Variants in XKR6 observed in about 807,000 individuals in gnomAD.
XKR6 encodes XK related 6, also known as XK-related protein 6.
In XKR6, 22 loss-of-function variants were observed where a neutral mutation model predicts 56.7. That is an observed-to-expected ratio of 0.39 (90% CI 0.28 to 0.55). The LOEUF is 0.55. Among genes scored for constraint, XKR6 ranks in the 20% least tolerant of loss-of-function variants. XKR6 has a pLI of 0.66. For synonymous variants in XKR6, 524 were observed against 387.8 expected, an observed-to-expected ratio of 1.35 and a Z score of -4.13; for missense variants, 852 against 889.0, an observed-to-expected ratio of 0.96 and a Z score of 0.53.
At chr8:11,058,645 G>A (rs1047313768) in intron 1 of XKR6, among the ~76,000 whole-genome samples, 3 of 152,286 alleles carry the variant, frequency 2.0e-5, no homozygotes, top group Non-Finnish European at 2.9e-5. Flanking sequence ...AATGAGAACA[G>A]ATGGACACCG....
At chr8:11,015,877 G>A (rs1299610016) in intron 1 of XKR6, among the ~76,000 whole-genome samples, 3 of 152,160 alleles carry the variant, frequency 2.0e-5, no homozygotes, top group Admixed American at 6.5e-5. Context: ...TGTGCCCGAG[G>A]CGCCCCAAAG....
chr8:10,962,609 T>C (rs1202018704), intron 1 of XKR6, among the ~76,000 whole-genome samples: 3 of 152,130 alleles, frequency 2.0e-5, no homozygotes, highest in Non-Finnish European at 4.4e-5. Flanking sequence ...CATATTCTGG[T>C]TCATCTGGTT....
intron 1 of XKR6, among the ~76,000 whole-genome samples, chr8:11,180,141 A>G (rs1802891781): frequency 1.3e-5 from 2 of 152,198 alleles, no homozygotes; most frequent in Admixed American, 6.5e-5. Context: ...CCCTGTCTCA[A>G]AAAAAATTAA....
At chr8:10,959,363 T>C (rs6601540) in intron 1 of XKR6, among the ~76,000 whole-genome samples, 26,565 of 152,062 alleles carry the variant, frequency 0.17, 3,077 homozygotes, top group African/African-American at 0.33. Flanking sequence ...GTAGATGTTA[T>C]AGGGAGACTG....
intron 1 of XKR6, among the ~76,000 whole-genome samples, chr8:10,977,467 G>T (rs1029882416): frequency 6.6e-6 from 1 of 151,642 alleles, no homozygotes; most frequent in Admixed American, 6.6e-5. Context: ...TAAGTCCCCC[G>T]CCACTGGAGG....
chr8:11,201,101 C>T lies in XKR6; in HGVS notation c.239G>A (p.Arg80Lys). The change falls in exon 1 of 3, where the codon AGG (arginine) becomes AAG (lysine). Residue 80 changes from arginine (R) to lysine (K), a missense_variant. Coordinates refer to ENST00000416569, the MANE Select transcript of XKR6 (RefSeq NM_173683.4). ...GGCGGCGGCGCTGCGGCGCGGCTTC[C>T]TGCCCAGGAGGGAGCGCAGGCAGGC... ...RSACLRSLLG[R>K]KPRRSAAADG... 2.8e-6 allele frequency: 4 copies of T among 1,433,292 alleles called. No individual in the cohort carries two copies. The highest frequency in any genetic ancestry group is 3.6e-6 in the Non-Finnish European group (4 of 1,096,776). 88.8% of individuals were successfully genotyped at this position (1,433,292 alleles called of 1,614,324 possible).
chr8:11,132,946 AC>A (rs1386307883), intron 1 of XKR6, among the ~76,000 whole-genome samples: 1 of 152,162 alleles, frequency 6.6e-6, no homozygotes, highest in African/African-American at 2.4e-5. Context: ...CTAAAAAGAT[AC>A]AAGTAAAAAA....
intron 1 of XKR6, among the ~76,000 whole-genome samples, chr8:11,172,225 C>G (rs1404510796): frequency 1.3e-5 from 2 of 151,920 alleles, no homozygotes; most frequent in South Asian, 4.2e-4. Flanking sequence ...CAAAAATTAG[C>G]GTGGCATTAT....
chr8:11,164,073 T>C (rs1344716121), intron 1 of XKR6, among the ~76,000 whole-genome samples: 1 of 152,134 alleles, frequency 6.6e-6, no homozygotes, highest in Non-Finnish European at 1.5e-5. Flanking sequence ...CTGCCTACAG[T>C]GGGGAAGATA....
chr8:11,119,634 C>T (rs1244595998), intron 1 of XKR6, among the ~76,000 whole-genome samples: 1 of 151,878 alleles, frequency 6.6e-6, no homozygotes, highest in Non-Finnish European at 1.5e-5. Flanking sequence ...CAAACCCTGC[C>T]TTTTTTTTGT....
At chr8:11,051,933 C>T (rs777662549) in intron 1 of XKR6, among the ~76,000 whole-genome samples, 3 of 152,160 alleles carry the variant, frequency 2.0e-5, no homozygotes, top group Non-Finnish European at 4.4e-5. Flanking sequence ...TACAGAGGTG[C>T]GCGTGTGCCA....
intron 1 of XKR6, among the ~76,000 whole-genome samples, chr8:10,925,096 G>A (rs955620524): frequency 2.0e-5 from 3 of 152,166 alleles, no homozygotes; most frequent in African/African-American, 7.2e-5. Flanking sequence ...TCTCCCATTT[G>A]CTCATCTGGA....
At chr8:11,198,221 G>T (rs556389154) in intron 1 of XKR6, among the ~76,000 whole-genome samples, 1 of 152,060 alleles carries the variant, frequency 6.6e-6, no homozygotes, top group Non-Finnish European at 1.5e-5. Flanking sequence ...TGATTTCAAC[G>T]CAAACAACAT....
intron 1 of XKR6, among the ~76,000 whole-genome samples, chr8:11,114,784 G>T (rs777899422): frequency 1.7e-4 from 18 of 104,746 alleles, no homozygotes; most frequent in Non-Finnish European, 2.7e-4. Flanking sequence ...TATGTGCCAG[G>T]GCAAGAAAGG....
At chr8:11,160,729 G>A (rs1359675255) in intron 1 of XKR6, among the ~76,000 whole-genome samples, 2 of 152,006 alleles carry the variant, frequency 1.3e-5, no homozygotes, top group African/African-American at 2.4e-5. Flanking sequence ...CCAACAGGCT[G>A]AAACCCCGTC....
At chr8:11,110,922 C>A (rs911538042) in intron 1 of XKR6, among the ~76,000 whole-genome samples, 1 of 151,704 alleles carries the variant, frequency 6.6e-6, no homozygotes, top group Admixed American at 6.6e-5. Context: ...CTGCAAGCTC[C>A]GCCTCCCAGG....
intron 1 of XKR6, among the ~76,000 whole-genome samples, chr8:11,033,311 T>C (rs1043104393): frequency 1.1e-3 from 154 of 143,654 alleles, no homozygotes; most frequent in African/African-American, 4.2e-3. Flanking sequence ...GTGGTGATGA[T>C]GATGATGACG....
intron 1 of XKR6, among the ~76,000 whole-genome samples, chr8:11,056,852 G>T (rs1799697648): frequency 1.3e-5 from 2 of 152,282 alleles, no homozygotes; most frequent in South Asian, 4.1e-4. Context: ...GGGATCAGCT[G>T]GGAGGATGCA....
At chr8:11,096,986 A>G (rs116761780) in intron 1 of XKR6, among the ~76,000 whole-genome samples, 223 of 152,326 alleles carry the variant, frequency 1.5e-3, no homozygotes, top group Non-Finnish European at 2.6e-3. Flanking sequence ...CCATCTGATG[A>G]GAACGGTGTG....
Sources: allele counts gnomAD v4.1 joint callset (sites outside exome capture counted in the v4.1 genomes callset), GRCh38; gene constraint gnomAD v4.1.1; transcripts MANE v1.5; gene names NCBI Gene and HGNC (gene_info 2026-07-23, HGNC 2026-07-21).